The following GTF3C6 variants were observed in gnomAD, a reference collection of about 807,000 sequenced individuals.
The protein encoded by GTF3C6 is general transcription factor 3C polypeptide 6.
A neutral mutation model predicts 19.2 loss-of-function variants in GTF3C6; 11 were observed. The observed-to-expected ratio is 0.57, with a 90% CI of 0.36 to 0.95. The LOEUF is 0.95. Among genes scored for constraint, GTF3C6 ranks in the 40% least tolerant of loss-of-function variants. The pLI is 0.01. For synonymous variants in GTF3C6, 87 were observed against 84.2 expected (o/e 1.03, Z -0.18); for missense variants, 222 against 254.7 (o/e 0.87, Z 0.87).
intron 5 of GTF3C6, among the ~76,000 whole-genome samples, chr6:110,967,181 TAA>T: frequency 6.6e-6 from 1 of 152,020 alleles, no homozygotes; most frequent in East Asian, 1.9e-4. Flanking sequence ...AGGGAAGTGA[TAA>T]GTTTCCTTGA....
Position 110,967,728 on chromosome 6 carries a change from CTTA to C in GTF3C6, c.583_585del (p.Ile195del), listed in dbSNP as rs770028358. ...CTTGGAAATAGAAGATTCTGGTCCT[CTTA>C]TTGATATACCTTCTGAGACAGAAGG... On this transcript the variant is annotated inframe_deletion, in exon 6 of 6. Coordinates refer to ENST00000329970, the MANE Select transcript of GTF3C6 (RefSeq NM_138408.4). The C allele has an allele frequency of 9.9e-6, 16 of 1,613,882 alleles. No individual in the cohort carries two copies. In the South Asian group the frequency reaches 1.8e-4, roughly 18 times the overall value.
rs767782383 is a variant in GTF3C6, at chr6:110,960,478, G to A, written c.202+1G>A. Reference sequence around the variant, plus strand: ...TGTGTCTTTGCTGGGGAGTATGAAGGTAGGAGGATGTCAGATAGATGGAAC... The same window carrying A: ...TGTGTCTTTGCTGGGGAGTATGAAGATAGGAGGATGTCAGATAGATGGAAC... On this transcript the variant is annotated splice_donor_variant, in intron 3 of 5. Transcript: ENST00000329970. LOFTEE classifies it high-confidence loss of function. 1.5e-5 allele frequency: 24 copies of A among 1,613,752 alleles called. No individual in the cohort carries two copies. In the African/African-American group the frequency reaches 2.9e-4, roughly 20 times the overall value.
At chr6:110,964,085 TTTTA>T (rs1771197765) in intron 5 of GTF3C6, among the ~76,000 whole-genome samples, 1 of 152,056 alleles carries the variant, frequency 6.6e-6, no homozygotes, top group Admixed American at 6.6e-5. Context: ...TATTAAATTA[TTTTA>T]TTTGAGACAG....
chr6:110,961,276 G>A (rs919679060), intron 4 of GTF3C6, among the ~76,000 whole-genome samples: 4 of 151,272 alleles, frequency 2.6e-5, no homozygotes, highest in Admixed American at 6.6e-5. Context: ...TCAGCCTCCC[G>A]AGTAGCTGGG....
chr6:110,962,089 AG>A (rs1771168358), intron 4 of GTF3C6, among the ~76,000 whole-genome samples: 1 of 151,964 alleles, frequency 6.6e-6, no homozygotes, highest in South Asian at 2.1e-4. Flanking sequence ...TCTTTAGTAG[AG>A]ACGGGATTTC....
intron 4 of GTF3C6, 100 bp from the exon 5 acceptor site, chr6:110,962,292 G>C: frequency 1.6e-6 from 1 of 643,910 alleles, no homozygotes; most frequent in Non-Finnish European, 2.8e-6. Flanking sequence ...TTGACAGGAA[G>C]TAGTTTAATC....
intron 2 of GTF3C6, among the ~76,000 whole-genome samples, chr6:110,959,732 G>T (rs1206008120): frequency 6.6e-6 from 1 of 152,026 alleles, no homozygotes; most frequent in Non-Finnish European, 1.5e-5. Context: ...GGCCGAGGCG[G>T]GTAGATCACG....
intron 1 of GTF3C6, 76 bp downstream of exon 1, chr6:110,958,902 T>C (rs1383278742): frequency 1.4e-6 from 2 of 1,472,764 alleles, no homozygotes; most frequent in African/African-American, 2.8e-5. Context: ...GGAAGGGAGT[T>C]GGGGAGCTGC....
At position 110,967,478 on chromosome 6, in the gene GTF3C6, T is replaced by C. The variant is rs1372963205; in HGVS notation, c.362-32T>C. On this transcript the variant is annotated intron_variant, in intron 5 of 5. Transcript: ENST00000329970. ...TACTAAAATTCATTTTTTGTTTCTT[T>C]TTTTGTTTATTCCTCATCCCCTCCA... 6.5e-6 allele frequency: 10 copies of C among 1,547,994 alleles called. No homozygotes were observed. In the Admixed American group the frequency reaches 2.0e-4, roughly 30 times the overall value.
intron 5 of GTF3C6, among the ~76,000 whole-genome samples, chr6:110,966,023 T>C (rs1043358205): frequency 6.6e-5 from 10 of 152,138 alleles, no homozygotes; most frequent in Admixed American, 4.6e-4. Flanking sequence ...TGTAAATTTG[T>C]TTTGGTTGTT....
rs766870604 is a variant in GTF3C6, at chr6:110,958,993, C to G, written c.57+167C>G. On this transcript the variant is annotated intron_variant, in intron 1 of 5. Transcript: ENST00000329970. Reference sequence around the variant, plus strand: ...AGCCGGGCAGCTTGGGACCTTAGCCCTAATCGTCACCCCGTACTTGGGATG... The same window carrying G: ...AGCCGGGCAGCTTGGGACCTTAGCCGTAATCGTCACCCCGTACTTGGGATG... 361 of 853,356 alleles carry G rather than the reference C, an allele frequency of 4.2e-4. 3 individuals are homozygous for G. In the Middle Eastern group the frequency reaches 8.3e-3, roughly 20 times the overall value. The allele number at this position is 853,356 out of a possible 1,614,324, so 52.9% of individuals were successfully genotyped here. A position where few individuals can be genotyped will look rare whatever the true frequency, so the allele number is the denominator to read the frequency against.
rs1771173117 is a variant in GTF3C6, at chr6:110,962,476, C to T, written c.332C>T (p.Thr111Ile). The T allele has an allele frequency of 6.2e-7, 1 of 1,607,446 alleles. No individual in the cohort carries two copies. Among genetic ancestry groups the T allele is most frequent in the Middle Eastern group, 1.7e-4 (1 of 6,054 alleles). Residue 111 changes from threonine (T) to isoleucine (I), a missense_variant, in exon 5 of 6, where the codon ACA becomes ATA. By Grantham distance (89) the Thr-to-Ile change is moderately conservative. Transcript: ENST00000329970. ...CTCAGCATGACAAGAACTCTCCTGA[C>T]AGAGAAGAAGGAAGGAGAAGAAAAC... is the stretch of plus-strand genomic sequence containing the variant. ...KKLSMTRTLL[T>I]EKKEGEENIG...
At chr6:110,958,912 C>A in intron 1 of GTF3C6, 86 bp downstream of exon 1, 1 of 1,426,448 alleles carries the variant, frequency 7.0e-7, no homozygotes, top group Non-Finnish European at 9.5e-7. Flanking sequence ...TGGGGAGCTG[C>A]GGGCCGGAGG....
At chr6:110,963,753 G>T in intron 5 of GTF3C6, among the ~76,000 whole-genome samples, 1 of 149,830 alleles carries the variant, frequency 6.7e-6, no homozygotes, top group Non-Finnish European at 1.5e-5. Flanking sequence ...TCAGGCTGGA[G>T]TACAGTGGAG....
chr6:110,960,422 C>T lies in GTF3C6; in HGVS notation c.147C>T (p.Asp49=), dbSNP rs1389468950. 1 of 1,612,546 alleles carries T rather than the reference C, an allele frequency of 6.2e-7. No individual in the cohort carries two copies. The highest frequency in any genetic ancestry group is 8.5e-7 in the Non-Finnish European group (1 of 1,179,136). The change falls in exon 3 of 6, where the codon GAC becomes GAT. Residue 49 remains aspartate, a synonymous_variant. Transcript: ENST00000329970. ...CENKCKVLGI[D]TERPILQVDS... Reference sequence around the variant, plus strand: ...CCTTTATTCTGTTGTAGGGCATTGACACTGAGAGGCCCATTCTGCAAGTGG... The same window carrying T: ...CCTTTATTCTGTTGTAGGGCATTGATACTGAGAGGCCCATTCTGCAAGTGG...
chr6:110,960,371 T>G (rs374316316), intron 2 of GTF3C6, 43 bp from the exon 3 acceptor site: 1 of 1,532,006 alleles, frequency 6.5e-7, no homozygotes, highest in South Asian at 1.2e-5. Context: ...TGAAGCCTTT[T>G]TCTAATTATG....
At position 110,963,703 on chromosome 6, in the gene GTF3C6, CTT is replaced by C. The variant is rs5879081; in HGVS notation, c.361+1214_361+1215del. On this transcript the variant is annotated intron_variant, in intron 5 of 5. Transcript: ENST00000329970. ...CAGGCTCACATCTGGAAAAAGCTGG[CTT>C]TTTTTTTTTTTTTTTGGAGACAGTC... is the stretch of plus-strand genomic sequence containing the variant. Among the ~76,000 whole-genome samples the C allele has an allele frequency of 4.4e-3, 578 of 129,920 alleles. 3 individuals carry two copies. Among genetic ancestry groups the C allele is most frequent in the African/African-American group, 0.015 (523 of 35,010 alleles). The allele number at this position is 129,920 out of a possible 152,430, so 85.2% of individuals were successfully genotyped here.
chr6:110,961,624 GGCA>G (rs1223987036), intron 4 of GTF3C6, among the ~76,000 whole-genome samples: 1 of 152,194 alleles, frequency 6.6e-6, no homozygotes, highest in Non-Finnish European at 1.5e-5. Context: ...TTCAACTCCA[GGCA>G]GCAGGTTGGC....
At position 110,958,794 on chromosome 6, in the gene GTF3C6, A is replaced by G. The variant is rs998296237; in HGVS notation, c.25A>G (p.Ser9Gly). 6.4e-7 allele frequency: 1 copy of G among 1,551,200 alleles called. No individual in the cohort carries two copies. Among genetic ancestry groups the G allele is most frequent in the Non-Finnish European group, 8.7e-7 (1 of 1,146,986 alleles). Reference protein sequence around the residue: MAAAADERSPEDGEDEEEE... With the variant: MAAAADERGPEDGEDEEEE... Reference sequence around the variant, plus strand: ...CATGGCGGCGGCGGCGGACGAGCGGAGTCCAGAGGACGGAGAAGACGAGGA... The same window carrying G: ...CATGGCGGCGGCGGCGGACGAGCGGGGTCCAGAGGACGGAGAAGACGAGGA... Residue 9 changes from serine to glycine, a missense_variant, in exon 1 of 6, where the codon AGT becomes GGT. Physicochemically the swap from Ser to Gly is moderately conservative, Grantham distance 56. Transcript: ENST00000329970.
Sources: allele counts gnomAD v4.1 joint callset (sites outside exome capture counted in the v4.1 genomes callset), GRCh38; gene constraint gnomAD v4.1.1; transcripts MANE v1.5; gene names NCBI Gene and HGNC (gene_info 2026-07-23, HGNC 2026-07-21).